LIN7A: variants seen among roughly 807,000 people sequenced by gnomAD.
The protein encoded by LIN7A is protein lin-7 homolog A.
A neutral mutation model predicts 29.8 loss-of-function variants in LIN7A; 25 were observed. The observed-to-expected ratio is 0.84, with a 90% CI of 0.61 to 1.17. The LOEUF is 1.17. LIN7A is among the 50% of genes most tolerant of loss of function. The probability of loss-of-function intolerance (pLI) is 0.00; values close to 1 mark genes in which losing one functional copy is unlikely to be tolerated. For missense variants in LIN7A, 239 were observed against 287.0 expected (o/e 0.83, Z 1.21); for synonymous variants, 118 against 107.5 (o/e 1.10, Z -0.60).
chr12:80,795,040 CG>C lies in LIN7A; in HGVS notation c.*2686del, dbSNP rs1471580757. 6.6e-6 allele frequency: 1 copy of C among 152,084 alleles called. No homozygotes were observed. The highest frequency in any genetic ancestry group is 1.5e-5 in the Non-Finnish European group (1 of 67,986). 9.4% of individuals were successfully genotyped at this position (152,084 alleles called of 1,614,324 possible). A position where few individuals can be genotyped will look rare whatever the true frequency, so the allele number is the denominator to read the frequency against. ...ATCGTAGAAGTTTTTTAAATTATAA[CG>C]TTTAATACCTAATTTGTTTATTACA... On this transcript the variant is annotated 3_prime_UTR_variant, in exon 6 of 6. Transcript: ENST00000552864.
intron 4 of LIN7A, among the ~76,000 whole-genome samples, chr12:80,837,306 A>C: frequency 6.6e-6 from 1 of 152,152 alleles, no homozygotes; most frequent in East Asian, 1.9e-4. Flanking sequence ...TTTTATAGAA[A>C]AAAAGGTCTT....
chr12:80,870,384 A>G (rs1874365146), intron 2 of LIN7A, among the ~76,000 whole-genome samples: 1 of 152,196 alleles, frequency 6.6e-6, no homozygotes, highest in East Asian at 1.9e-4. Context: ...TACTAATGTA[A>G]GTATCCTCTC....
At chr12:80,930,577 C>G (rs1385548152) in intron 1 of LIN7A, among the ~76,000 whole-genome samples, 1 of 152,198 alleles carries the variant, frequency 6.6e-6, no homozygotes, top group Non-Finnish European at 1.5e-5. Flanking sequence ...TCTATAGCAA[C>G]TCCACCCATT....
intron 1 of LIN7A, among the ~76,000 whole-genome samples, chr12:80,928,099 G>A (rs1877703965): frequency 6.6e-6 from 1 of 152,056 alleles, no homozygotes; most frequent in African/African-American, 2.4e-5. Context: ...TCTTAATCCA[G>A]TCTATCATTG....
At chr12:80,856,659 C>G (rs1302220541) in intron 2 of LIN7A, among the ~76,000 whole-genome samples, 1 of 152,158 alleles carries the variant, frequency 6.6e-6, no homozygotes, top group Non-Finnish European at 1.5e-5. Context: ...GTGCCTTTGG[C>G]TACAAAGTGC....
chr12:80,801,676 A>AT, intron 5 of LIN7A, among the ~76,000 whole-genome samples: 2 of 152,260 alleles, frequency 1.3e-5, no homozygotes, highest in Admixed American at 6.5e-5. Flanking sequence ...ACACATACTT[A>AT]TTTTTTGTGG....
intron 1 of LIN7A, among the ~76,000 whole-genome samples, chr12:80,916,934 AT>A (rs1877057957): frequency 6.6e-6 from 1 of 152,202 alleles, no homozygotes; most frequent in East Asian, 1.9e-4. Flanking sequence ...GTGTTCTAGC[AT>A]TTGGGACATC....
At chr12:80,798,429 C>G (rs1870557133) in intron 5 of LIN7A, among the ~76,000 whole-genome samples, 1 of 152,138 alleles carries the variant, frequency 6.6e-6, no homozygotes, top group South Asian at 2.1e-4. Flanking sequence ...TACTTTGCGT[C>G]AACACTCTCC....
intron 4 of LIN7A, among the ~76,000 whole-genome samples, chr12:80,819,502 G>A (rs1310819810): frequency 6.6e-6 from 1 of 152,172 alleles, no homozygotes; most frequent in Non-Finnish European, 1.5e-5. Flanking sequence ...CTGTCCAAGA[G>A]CAGGATGAGT....
At chr12:80,833,234 C>T (rs1382771659) in intron 4 of LIN7A, among the ~76,000 whole-genome samples, 1 of 152,208 alleles carries the variant, frequency 6.6e-6, no homozygotes, top group Non-Finnish European at 1.5e-5. Context: ...GCTGCTCACT[C>T]TCACCTGAAC....
intron 4 of LIN7A, among the ~76,000 whole-genome samples, chr12:80,816,612 A>G (rs1871550748): frequency 6.6e-6 from 1 of 152,184 alleles, no homozygotes; most frequent in South Asian, 2.1e-4. Context: ...ATATATTTTC[A>G]TTTAGGAAGC....
chr12:80,915,775 A>T (rs745487777), intron 1 of LIN7A, among the ~76,000 whole-genome samples: 1 of 152,224 alleles, frequency 6.6e-6, no homozygotes, highest in Non-Finnish European at 1.5e-5. Context: ...ACTAATGCAG[A>T]AACAGAAAAC....
chr12:80,897,669 G>C (rs529064462), intron 1 of LIN7A, among the ~76,000 whole-genome samples: 1 of 152,042 alleles, frequency 6.6e-6, no homozygotes, highest in Non-Finnish European at 1.5e-5. Flanking sequence ...AGCCGGCGTG[G>C]TGGTGGGCGC....
chr12:80,839,261 C>T lies in LIN7A; in HGVS notation c.483+6469G>A, dbSNP rs11114632. 1.1e-4 allele frequency among the ~76,000 whole-genome samples: 16 copies of T among 152,254 alleles called. No homozygotes were observed. The East Asian group carries it at 2.9e-3, about 28-fold the overall frequency. ...AATTATGATTAATAAGGCTAGACTG[C>T]CTGAGTTAGAATCTCTAGTTCTGCC... is the stretch of plus-strand genomic sequence containing the variant. On this transcript the variant is annotated intron_variant, in intron 4 of 5. Transcript: ENST00000552864.
intron 2 of LIN7A, among the ~76,000 whole-genome samples, chr12:80,850,348 A>G (rs1873268765): frequency 6.6e-6 from 1 of 152,176 alleles, no homozygotes; most frequent in Non-Finnish European, 1.5e-5. Flanking sequence ...TAAGATAAGA[A>G]CAATTTGCCA....
At chr12:80,814,535 G>A (rs1000168910) in intron 4 of LIN7A, among the ~76,000 whole-genome samples, 2 of 152,080 alleles carry the variant, frequency 1.3e-5, no homozygotes, top group African/African-American at 2.4e-5. Flanking sequence ...GACCTTTAGA[G>A]GCCCATTATC....
At chr12:80,816,424 G>T (rs1480609275) in intron 4 of LIN7A, among the ~76,000 whole-genome samples, 2 of 151,078 alleles carry the variant, frequency 1.3e-5, no homozygotes, top group Non-Finnish European at 1.5e-5. Context: ...AAAAAAAAGT[G>T]TATATATACA....
At chr12:80,884,371 C>A (rs925639938) in intron 2 of LIN7A, among the ~76,000 whole-genome samples, 1 of 152,100 alleles carries the variant, frequency 6.6e-6, no homozygotes, top group Non-Finnish European at 1.5e-5. Flanking sequence ...TTTAGAGTAA[C>A]AAAGATTTAT....
intron 2 of LIN7A, among the ~76,000 whole-genome samples, chr12:80,866,756 G>T (rs1920998): frequency 7.2e-5 from 11 of 151,824 alleles, no homozygotes; most frequent in African/African-American, 2.2e-4. Flanking sequence ...TCAAGGTAAA[G>T]AAAATCTAAG....
Sources: gnomAD v4.1 joint callset for allele counts (sites outside exome capture counted in the v4.1 genomes callset) on GRCh38, gnomAD v4.1.1 for gene constraint, MANE v1.5 for transcripts, NCBI Gene and HGNC (gene_info 2026-07-23, HGNC 2026-07-21) for gene names.